Variants in RBFOX1 observed in about 807,000 individuals in gnomAD.
The protein encoded by RBFOX1 is RNA binding protein fox-1 homolog 1.
RBFOX1 carries 8 observed loss-of-function variants against 57.7 expected under a neutral mutation model. The observed-to-expected ratio is 0.14, with a 90% CI of 0.08 to 0.25. The LOEUF is 0.25. RBFOX1 is among the 10% of genes least tolerant of loss of function. RBFOX1 has a pLI of 1.00. For synonymous variants in RBFOX1, 326 were observed against 222.4 expected (o/e 1.47, Z -4.15); for missense variants, 611 against 548.5 (o/e 1.11, Z -1.14).
chr16:6,608,235 T>G (rs1261719412), intron 2 of RBFOX1, among the ~76,000 whole-genome samples: 2 of 152,194 alleles, frequency 1.3e-5, no homozygotes, highest in Non-Finnish European at 2.9e-5. Context: ...CAGCATTGGT[T>G]TGTGTTATAA....
At chr16:6,323,600 C>A (rs773340950) in intron 2 of RBFOX1, among the ~76,000 whole-genome samples, 1 of 152,144 alleles carries the variant, frequency 6.6e-6, no homozygotes, top group Non-Finnish European at 1.5e-5. Context: ...AACCCCCATA[C>A]CCCCAATCTA....
chr16:7,021,909 TTTC>T (rs1175716531), intron 3 of RBFOX1, among the ~76,000 whole-genome samples: 1 of 149,900 alleles, frequency 6.7e-6, no homozygotes, highest in Non-Finnish European at 1.5e-5. Flanking sequence ...TCTTTCTTTC[TTTC>T]TTTTCTTTCT....
At chr16:6,610,741 C>T (rs1292513583) in intron 2 of RBFOX1, among the ~76,000 whole-genome samples, 1 of 152,212 alleles carries the variant, frequency 6.6e-6, no homozygotes, top group Non-Finnish European at 1.5e-5. Flanking sequence ...TTCCGCCAAA[C>T]AATCACTACC....
chr16:6,617,496 T>G (rs569288802), intron 2 of RBFOX1, among the ~76,000 whole-genome samples: 1 of 151,814 alleles, frequency 6.6e-6, no homozygotes, highest in South Asian at 2.1e-4. Context: ...CTTGTATTTT[T>G]CCTAGCAGAA....
intron 3 of RBFOX1, among the ~76,000 whole-genome samples, chr16:5,751,710 A>G (rs1044555279): frequency 2.6e-5 from 4 of 152,208 alleles, no homozygotes; most frequent in African/African-American, 9.7e-5. Flanking sequence ...TAGCTGTAGA[A>G]TATCCACTAT....
chr16:6,511,993 G>A (rs2153780461), intron 2 of RBFOX1, among the ~76,000 whole-genome samples: 1 of 152,170 alleles, frequency 6.6e-6, no homozygotes, highest in African/African-American at 2.4e-5. Context: ...AGAACAAGCA[G>A]GACATGGTGG....
chr16:7,103,007 A>G (rs2062953075), intron 4 of RBFOX1, among the ~76,000 whole-genome samples: 1 of 151,824 alleles, frequency 6.6e-6, no homozygotes, highest in African/African-American at 2.4e-5. Flanking sequence ...ACACACATTT[A>G]GACACACACA....
chr16:6,367,491 C>T (rs541908936), intron 2 of RBFOX1, among the ~76,000 whole-genome samples: 4 of 152,144 alleles, frequency 2.6e-5, no homozygotes, highest in South Asian at 2.1e-4. Flanking sequence ...AGGCTGGCCC[C>T]GAACTCCTGA....
At chr16:6,293,568 G>T (rs930786666) in intron 1 of RBFOX1, among the ~76,000 whole-genome samples, 2 of 152,138 alleles carry the variant, frequency 1.3e-5, no homozygotes, top group African/African-American at 2.4e-5. Flanking sequence ...TTGGAGAGGG[G>T]CAAGCAATAA....
At chr16:7,286,110 T>C (rs1230717905) in intron 4 of RBFOX1, among the ~76,000 whole-genome samples, 1 of 152,204 alleles carries the variant, frequency 6.6e-6, no homozygotes, top group Non-Finnish European at 1.5e-5. Flanking sequence ...ATGATTTAAA[T>C]AAGGAACGAA....
chr16:6,985,967 T>C (rs925666872), intron 3 of RBFOX1, among the ~76,000 whole-genome samples: 3 of 151,586 alleles, frequency 2.0e-5, no homozygotes, highest in Admixed American at 6.6e-5. Context: ...TAAGGCACTT[T>C]CCAAACTTAC....
At chr16:7,340,820 C>T (rs944607117) in intron 4 of RBFOX1, among the ~76,000 whole-genome samples, 8 of 152,170 alleles carry the variant, frequency 5.3e-5, no homozygotes, top group African/African-American at 1.9e-4. Flanking sequence ...ATTAAAGGGA[C>T]ACTGTCAATC....
At chr16:7,209,508 A>ATTACATGG (rs1273279211) in intron 4 of RBFOX1, among the ~76,000 whole-genome samples, 1 of 152,156 alleles carries the variant, frequency 6.6e-6, no homozygotes, top group Non-Finnish European at 1.5e-5. Flanking sequence ...CTGCCAGCTT[A>ATTACATGG]TTACATGGCT....
intron 14 of RBFOX1, among the ~76,000 whole-genome samples, chr16:7,699,612 A>G (rs1004511051): frequency 2.6e-5 from 4 of 152,226 alleles, no homozygotes; most frequent in African/African-American, 9.6e-5. Flanking sequence ...TTGTAAGTAA[A>G]AAATGCATGC....
At chr16:6,846,257 C>T (rs919332625) in intron 3 of RBFOX1, among the ~76,000 whole-genome samples, 7 of 152,130 alleles carry the variant, frequency 4.6e-5, no homozygotes, top group East Asian at 1.9e-4. Context: ...CCTCCTATTA[C>T]GTGAATTGGC....
intron 1 of RBFOX1, among the ~76,000 whole-genome samples, chr16:6,047,319 T>C (rs2095505408): frequency 6.6e-6 from 1 of 152,200 alleles, no homozygotes; most frequent in Non-Finnish European, 1.5e-5. Context: ...CAAGTCTGAT[T>C]CCTGGGCAGG....
At chr16:5,781,535 T>C (rs2054324339) in intron 3 of RBFOX1, among the ~76,000 whole-genome samples, 1 of 152,218 alleles carries the variant, frequency 6.6e-6, no homozygotes, top group Non-Finnish European at 1.5e-5. Context: ...CAAACTTTTT[T>C]CTGTAAAGAT....
rs184759452 is a variant in RBFOX1, at chr16:7,670,259, C to T, written c.930+5291C>T. Reference sequence around the variant, plus strand: ...GTTGGCCAGGCTGGTCTCGAACTTCCGACCTCAAGTGATCCAGCTGCCTTG... The same window carrying T: ...GTTGGCCAGGCTGGTCTCGAACTTCTGACCTCAAGTGATCCAGCTGCCTTG... On this transcript the variant is annotated intron_variant, in intron 13 of 15. Transcript: ENST00000550418. Among the ~76,000 whole-genome samples, 766 of 152,166 alleles carry T rather than the reference C, an allele frequency of 5.0e-3. 3 individuals carry two copies. The highest frequency in any genetic ancestry group is 8.8e-3 in the Non-Finnish European group (599 of 67,992).
chr16:5,324,290 C>A lies in RBFOX1; in HGVS notation c.219+84185C>A, dbSNP rs531320948. ...CCAGCCCGGCCAACATGGTGAAACCCCATCTCTACTAAAAATGCAAAAATT... is the reference window on the plus strand; with the variant it reads ...CCAGCCCGGCCAACATGGTGAAACCACATCTCTACTAAAAATGCAAAAATT... On this transcript the variant is annotated intron_variant, in intron 1 of 2. Coordinates refer to the RBFOX1 transcript ENST00000585867. Among the ~76,000 whole-genome samples the A allele has an allele frequency of 1.4e-4, 22 of 152,270 alleles. 1 individual carries two copies. The highest frequency in any genetic ancestry group is 5.3e-4 in the African/African-American group (22 of 41,536).
Sources: allele counts gnomAD v4.1 joint callset (sites outside exome capture counted in the v4.1 genomes callset), GRCh38; gene constraint gnomAD v4.1.1; transcripts MANE v1.5; gene names NCBI Gene and HGNC (gene_info 2026-07-23, HGNC 2026-07-21).